Variants in CDH18 observed in about 807,000 individuals in gnomAD.
CDH18 encodes cadherin-18.
Under a neutral mutation model 67.9 loss-of-function variants are expected in CDH18, and 31 were observed. The observed-to-expected ratio is 0.46, with a 90% confidence interval of 0.34 to 0.62. The LOEUF (loss-of-function observed/expected upper bound fraction) is 0.62. Among genes scored for constraint, CDH18 ranks in the 20% least tolerant of loss-of-function variants. The pLI is 0.01. For synonymous variants in CDH18, 362 were observed against 347.2 expected, an observed-to-expected ratio of 1.04 and a Z score of -0.48; for missense variants, 890 against 975.5, an observed-to-expected ratio of 0.91 and a Z score of 1.17.
intron 9 of CDH18, among the ~76,000 whole-genome samples, chr5:19,537,549 CAG>C (rs1418119326): frequency 6.6e-6 from 1 of 152,082 alleles, no homozygotes; most frequent in Non-Finnish European, 1.5e-5. Context: ...CATTTGGAAT[CAG>C]AAGAGAATAT....
At chr5:20,135,403 G>T (rs1749618198) in intron 2 of CDH18, among the ~76,000 whole-genome samples, 1 of 152,012 alleles carries the variant, frequency 6.6e-6, no homozygotes, top group African/African-American at 2.4e-5. Context: ...GTTCTCTGAT[G>T]GTAGTTTGTA....
chr5:20,368,623 T>G (rs771651090), intron 1 of CDH18, among the ~76,000 whole-genome samples: 5 of 152,212 alleles, frequency 3.3e-5, no homozygotes, highest in Non-Finnish European at 7.3e-5. Flanking sequence ...TATACCATTA[T>G]CATTTGGCTT....
intron 5 of CDH18, among the ~76,000 whole-genome samples, chr5:19,657,781 C>A (rs1484789511): frequency 6.6e-6 from 1 of 152,118 alleles, no homozygotes; most frequent in Non-Finnish European, 1.5e-5. Flanking sequence ...TTATTCTCCT[C>A]ACTCTAGGAA....
intron 2 of CDH18, among the ~76,000 whole-genome samples, chr5:19,944,355 G>A (rs946371667): frequency 1.3e-5 from 2 of 151,886 alleles, no homozygotes; most frequent in African/African-American, 2.4e-5. Context: ...TATTTAATTG[G>A]TAAAACATAA....
At chr5:20,055,118 T>C (rs960633143) in intron 2 of CDH18, among the ~76,000 whole-genome samples, 1 of 152,204 alleles carries the variant, frequency 6.6e-6, no homozygotes, top group African/African-American at 2.4e-5. Flanking sequence ...TGTAACTTAA[T>C]AAAGTTATGA....
chr5:20,130,217 C>G (rs1749155872), intron 2 of CDH18, among the ~76,000 whole-genome samples: 1 of 151,432 alleles, frequency 6.6e-6, no homozygotes, highest in South Asian at 2.1e-4. Context: ...AAAACCAGAA[C>G]CAAAAGGTGC....
chr5:19,946,404 A>G (rs1795284524), intron 2 of CDH18, among the ~76,000 whole-genome samples: 1 of 152,104 alleles, frequency 6.6e-6, no homozygotes. Context: ...AAGGAAAGAA[A>G]AACAATGAGA....
At chr5:19,770,603 T>G (rs1288403400) in intron 3 of CDH18, among the ~76,000 whole-genome samples, 2 of 130,716 alleles carry the variant, frequency 1.5e-5, no homozygotes, top group Non-Finnish European at 3.4e-5. Flanking sequence ...CATCCAAACT[T>G]TCCATGCCAA....
chr5:19,975,652 C>T (rs1422259918), intron 2 of CDH18, among the ~76,000 whole-genome samples: 1 of 152,126 alleles, frequency 6.6e-6, no homozygotes, highest in Admixed American at 6.6e-5. Flanking sequence ...GATATAAACA[C>T]ATATTAGCTA....
At chr5:20,191,434 T>A (rs1738530540) in intron 2 of CDH18, among the ~76,000 whole-genome samples, 1 of 152,046 alleles carries the variant, frequency 6.6e-6, no homozygotes, top group Non-Finnish European at 1.5e-5. Context: ...GTGCAGAACA[T>A]GAATTTTTGT....
At chr5:19,777,328 T>C (rs1774509976) in intron 3 of CDH18, among the ~76,000 whole-genome samples, 1 of 152,164 alleles carries the variant, frequency 6.6e-6, no homozygotes, top group African/African-American at 2.4e-5. Flanking sequence ...AAGACAAGTT[T>C]ATATGTATTC....
chr5:20,061,652 A>G (rs1561758627), intron 2 of CDH18, among the ~76,000 whole-genome samples: 1 of 152,202 alleles, frequency 6.6e-6, no homozygotes, highest in Admixed American at 6.5e-5. Flanking sequence ...ATATGTATAT[A>G]AGGTTGTATT....
intron 5 of CDH18, among the ~76,000 whole-genome samples, chr5:19,701,886 A>G (rs1763293688): frequency 6.6e-6 from 1 of 152,164 alleles, no homozygotes; most frequent in African/African-American, 2.4e-5. Context: ...AAGTATAAGT[A>G]ACTAAAATTT....
intron 1 of CDH18, among the ~76,000 whole-genome samples, chr5:20,303,545 A>C (rs1745386950): frequency 6.6e-6 from 1 of 152,164 alleles, no homozygotes; most frequent in African/African-American, 2.4e-5. Flanking sequence ...AAAGCAGAGG[A>C]CAAATGCCTG....
chr5:19,571,444 T>G (rs1741368182), intron 8 of CDH18, 135 bp downstream of exon 8: 1 of 807,660 alleles, frequency 1.2e-6, no homozygotes, highest in Non-Finnish European at 1.8e-6. Flanking sequence ...TAAAATCAAT[T>G]AATATTATAA....
intron 2 of CDH18, among the ~76,000 whole-genome samples, chr5:19,972,229 G>C (rs1798098581): frequency 6.6e-6 from 1 of 151,988 alleles, no homozygotes; most frequent in African/African-American, 2.4e-5. Context: ...AAGTTGCAAA[G>C]CAAAATTTGT....
chr5:20,320,200 GATATT>G (rs72401126), intron 1 of CDH18, among the ~76,000 whole-genome samples: 8,023 of 152,020 alleles, frequency 0.053, 673 homozygotes, highest in African/African-American at 0.18. Flanking sequence ...GAATCTTTGA[GATATT>G]ATATTTATAT....
chr5:20,141,731 AAG>A (rs1306839784), intron 2 of CDH18, among the ~76,000 whole-genome samples: 1 of 152,154 alleles, frequency 6.6e-6, no homozygotes, highest in Non-Finnish European at 1.5e-5. Context: ...TTGGCAGGGA[AAG>A]AGTTATTATA....
Position 20,547,864 on chromosome 5 carries a change from T to C in CDH18, c.-580+27598A>G, listed in dbSNP as rs1757426892. Among the ~76,000 whole-genome samples, 5 of 152,208 alleles carry C rather than the reference T, an allele frequency of 3.3e-5. 1 individual carries two copies. Among genetic ancestry groups the C allele is most frequent in the Admixed American group, 3.3e-4 (5 of 15,268 alleles). On this transcript the variant is annotated intron_variant, in intron 1 of 14. Coordinates refer to the CDH18 transcript ENST00000507958. ...ACATTTTTTGTCATAGAATCCCAGA[T>C]ACTTTTATTAGTACCTATATTCAAT...
Sources: gnomAD v4.1 joint callset for allele counts (sites outside exome capture counted in the v4.1 genomes callset) on GRCh38, gnomAD v4.1.1 for gene constraint, MANE v1.5 for transcripts, NCBI Gene and HGNC (gene_info 2026-07-23, HGNC 2026-07-21) for gene names.